The following MACROD2 variants were observed in gnomAD, a reference collection of about 807,000 sequenced individuals.
MACROD2 encodes ADP-ribose glycohydrolase MACROD2.
In MACROD2, 36 loss-of-function variants were observed where a neutral mutation model predicts 70.4. The observed-to-expected ratio is 0.51, with a 90% CI of 0.39 to 0.68. The LOEUF is 0.68. MACROD2 is among the 30% of genes least tolerant of loss of function. MACROD2 has a pLI of 0.00. For synonymous variants in MACROD2, 172 were observed against 178.8 expected, an observed-to-expected ratio of 0.96 and a Z score of 0.30; for missense variants, 496 against 538.4, an observed-to-expected ratio of 0.92 and a Z score of 0.78.
intron 8 of MACROD2, among the ~76,000 whole-genome samples, chr20:15,676,187 TA>T (rs1013568738): frequency 1.3e-5 from 2 of 152,224 alleles, no homozygotes; most frequent in Non-Finnish European, 2.9e-5. Context: ...CTTTCTTTAT[TA>T]AAGGAATCTG....
intron 3 of MACROD2, among the ~76,000 whole-genome samples, chr20:14,405,260 A>G (rs2083680044): frequency 1.4e-5 from 2 of 145,434 alleles, no homozygotes; most frequent in African/African-American, 2.6e-5. Context: ...TGACAATACT[A>G]CAGAGGTGGT....
At chr20:14,876,175 G>A (rs1172711645) in intron 5 of MACROD2, among the ~76,000 whole-genome samples, 2 of 152,142 alleles carry the variant, frequency 1.3e-5, no homozygotes, top group African/African-American at 4.8e-5. Flanking sequence ...TCTGACTGGT[G>A]TGAAATGGTA....
Position 14,367,557 on chromosome 20 carries a change from G to A in MACROD2, c.272-125922G>A, listed in dbSNP as rs911675034. Among the ~76,000 whole-genome samples, 3 of 152,130 alleles carry A rather than the reference G, an allele frequency of 2.0e-5. No homozygotes were observed. The East Asian group carries it at 5.8e-4, about 29-fold the overall frequency. On this transcript the variant is annotated intron_variant, in intron 3 of 17. Coordinates refer to ENST00000684519, the MANE Select transcript of MACROD2 (RefSeq NM_001351661.2). ...GGACAATTAGCCAAACATAGAATTCGTGGTTGACAGTTCTTTGCAGTACTT... is the reference window on the plus strand; with the variant it reads ...GGACAATTAGCCAAACATAGAATTCATGGTTGACAGTTCTTTGCAGTACTT...
At chr20:14,161,580 T>G (rs1394490718) in intron 3 of MACROD2, among the ~76,000 whole-genome samples, 1 of 151,558 alleles carries the variant, frequency 6.6e-6, no homozygotes, top group African/African-American at 2.4e-5. Flanking sequence ...CTTTGGTTTT[T>G]TTTTTTTTTT....
At chr20:15,079,478 T>C (rs920990214) in intron 5 of MACROD2, among the ~76,000 whole-genome samples, 9 of 152,162 alleles carry the variant, frequency 5.9e-5, no homozygotes, top group Non-Finnish European at 1.3e-4. Context: ...ATCCCGTTCT[T>C]TGACTACTAC....
chr20:15,565,677 A>T (rs1287583834), intron 8 of MACROD2, among the ~76,000 whole-genome samples: 1 of 152,156 alleles, frequency 6.6e-6, no homozygotes. Flanking sequence ...GTTCAGCGGC[A>T]CTATCGTAGC....
At chr20:15,791,590 A>G (rs572542266) in intron 8 of MACROD2, among the ~76,000 whole-genome samples, 1 of 152,138 alleles carries the variant, frequency 6.6e-6, no homozygotes, top group Non-Finnish European at 1.5e-5. Context: ...CAAAAGATAA[A>G]CACACATAAA....
intron 10 of MACROD2, among the ~76,000 whole-genome samples, chr20:15,913,954 A>G (rs765604268): frequency 2.0e-5 from 3 of 152,178 alleles, no homozygotes; most frequent in Non-Finnish European, 4.4e-5. Flanking sequence ...ACTGCAAATC[A>G]TTTCTCCTAA....
intron 6 of MACROD2, among the ~76,000 whole-genome samples, chr20:15,384,751 T>G (rs2045690165): frequency 6.6e-6 from 1 of 152,144 alleles, no homozygotes; most frequent in African/African-American, 2.4e-5. Context: ...TAAAATAAAA[T>G]TATTTTGGCT....
chr20:14,814,228 A>G (rs912378628), intron 5 of MACROD2, among the ~76,000 whole-genome samples: 2 of 152,068 alleles, frequency 1.3e-5, no homozygotes, highest in Non-Finnish European at 2.9e-5. Context: ...TTCACCGTAT[A>G]ATCTGAAGTT....
intron 3 of MACROD2, among the ~76,000 whole-genome samples, chr20:14,430,998 ATTTG>A (rs2083988770): frequency 6.6e-6 from 1 of 152,088 alleles, no homozygotes; most frequent in African/African-American, 2.4e-5. Context: ...TCCAGAATTT[ATTTG>A]TTTAAGAGAG....
At chr20:14,609,555 T>C (rs1983027402) in intron 4 of MACROD2, among the ~76,000 whole-genome samples, 1 of 152,148 alleles carries the variant, frequency 6.6e-6, no homozygotes, top group Non-Finnish European at 1.5e-5. Context: ...TGATCTTTCA[T>C]GAGCTGCCTA....
chr20:13,995,664 C>T lies in MACROD2; in HGVS notation c.-100C>T. ...ACGCAGAGCCTCTTTCACTTTTTCCCTGCTGAGTGCCCCCTCCCACCCCTC... is the reference window on the plus strand; with the variant it reads ...ACGCAGAGCCTCTTTCACTTTTTCCTTGCTGAGTGCCCCCTCCCACCCCTC... On this transcript the variant is annotated 5_prime_UTR_variant, in exon 1 of 18. Coordinates refer to ENST00000684519, the MANE Select transcript of MACROD2 (RefSeq NM_001351661.2). This position sits in a 1 kb window ranked among gnomAD's most constrained non-coding sequence, Gnocchi z 4.3. 2 of 1,004,034 alleles carry T rather than the reference C, an allele frequency of 2.0e-6. No individual in the cohort carries two copies. Among genetic ancestry groups the T allele is most frequent in the South Asian group, 1.3e-5 (1 of 75,336 alleles). The allele number at this position is 1,004,034 out of a possible 1,614,324, so 62.2% of individuals were successfully genotyped here. A position where few individuals can be genotyped will look rare whatever the true frequency, so the allele number is the denominator to read the frequency against.
chr20:14,137,314 A>G (rs1362325592), intron 3 of MACROD2, among the ~76,000 whole-genome samples: 2 of 152,232 alleles, frequency 1.3e-5, no homozygotes, highest in Non-Finnish European at 2.9e-5. Context: ...AGAAAGTCAT[A>G]AGGACTTATA....
intron 3 of MACROD2, among the ~76,000 whole-genome samples, chr20:14,121,654 TACTG>T (rs1233579660): frequency 6.6e-6 from 1 of 152,240 alleles, no homozygotes; most frequent in African/African-American, 2.4e-5. Context: ...CTGATTGAAT[TACTG>T]AGCAGTTTTG....
At chr20:15,140,149 A>C (rs1743474) in intron 5 of MACROD2, among the ~76,000 whole-genome samples, 149,517 of 152,242 alleles carry the variant, frequency 0.98, 73,490 homozygotes, top group East Asian at 1. Context: ...TCCTCTATAC[A>C]TAGAGAGATC....
intron 6 of MACROD2, among the ~76,000 whole-genome samples, chr20:15,233,983 T>TTATTTATATATATATATA (rs1491448574): frequency 2.3e-5 from 1 of 44,020 alleles, no homozygotes; most frequent in African/African-American, 9.0e-5. Flanking sequence ...ATATATTTAT[T>TTATTTATATATATATATA]TATATATATA....
chr20:14,350,596 G>T (rs2083114487), intron 3 of MACROD2, among the ~76,000 whole-genome samples: 1 of 151,918 alleles, frequency 6.6e-6, no homozygotes, highest in Admixed American at 6.6e-5. Context: ...TCCATTTTTT[G>T]ATTGGATTAA....
chr20:14,870,031 A>G (rs960754019), intron 5 of MACROD2, among the ~76,000 whole-genome samples: 1 of 152,096 alleles, frequency 6.6e-6, no homozygotes, highest in South Asian at 2.1e-4. Context: ...AGTTTGCTGT[A>G]CAGATTATTT....
Sources: gnomAD v4.1 joint callset for allele counts (sites outside exome capture counted in the v4.1 genomes callset) on GRCh38, gnomAD v4.1.1 for gene constraint, Gnocchi (gnomAD v3.1) non-coding constraint, MANE v1.5 for transcripts, NCBI Gene and HGNC (gene_info 2026-07-23, HGNC 2026-07-21) for gene names.